NR1H2: variants seen among roughly 807,000 people sequenced by gnomAD.
NR1H2 encodes the protein nuclear receptor subfamily 1 group H member 2.
In NR1H2, 33 loss-of-function variants were observed where a neutral mutation model predicts 51.2. The observed-to-expected ratio is 0.64, with a 90% CI of 0.49 to 0.86. NR1H2 has a LOEUF of 0.86. NR1H2 is among the 40% of genes least tolerant of loss of function. The probability of loss-of-function intolerance (pLI) is 0.00; values close to 1 mark genes in which losing one functional copy is unlikely to be tolerated. For missense variants in NR1H2, 592 were observed against 639.9 expected (o/e 0.93, Z 0.81); for synonymous variants, 310 against 264.3 (o/e 1.17, Z -1.68).
chr19:50,377,599 CCCCA>C lies in NR1H2; in HGVS notation c.-4_-1del. The C allele has an allele frequency of 6.2e-7, 1 of 1,613,534 alleles. No homozygotes were observed. The highest frequency in any genetic ancestry group is 8.5e-7 in the Non-Finnish European group (1 of 1,179,618). On this transcript the variant is annotated 5_prime_UTR_variant, in exon 3 of 10. Coordinates refer to ENST00000253727, the MANE Select transcript of NR1H2 (RefSeq NM_007121.7). ...CTGTATTCTACAGGCTGCTCCGTGA[CCCCA>C]CCATGTCCTCTCCTACCACGAGTTC...
In NR1H2 at chr19:50,379,832, C is replaced by T; in HGVS notation, c.980C>T (p.Thr327Ile). Residue 327 changes from threonine (T) to isoleucine (I), a missense_variant, in exon 8 of 10, where the codon ACC becomes ATC. Coordinates refer to ENST00000253727, the MANE Select transcript of NR1H2 (RefSeq NM_007121.7). Reference sequence around the variant, plus strand: ...TACAACCACGAGACAGAGTGTATCACCTTCTTGAAGGACTTCACCTACAGC... The same window carrying T: ...TACAACCACGAGACAGAGTGTATCATCTTCTTGAAGGACTTCACCTACAGC... ...RRYNHETECI[T>I]FLKDFTYSKD... 1 of 1,614,084 alleles carries T rather than the reference C, an allele frequency of 6.2e-7. No individual in the cohort carries two copies. Among genetic ancestry groups the T allele is most frequent in the Non-Finnish European group, 8.5e-7 (1 of 1,179,956 alleles).
chr19:50,380,742 A>G (rs2037752841), intron 8 of NR1H2, among the ~76,000 whole-genome samples: 1 of 152,182 alleles, frequency 6.6e-6, no homozygotes, highest in Non-Finnish European at 1.5e-5. Flanking sequence ...GAGGAACTAC[A>G]GGGAGGCCCA....
chr19:50,382,302 T>C lies in NR1H2; in HGVS notation c.1236+128T>C, dbSNP rs1466241889. On this transcript the variant is annotated intron_variant, in intron 9 of 9. Coordinates refer to ENST00000253727, the MANE Select transcript of NR1H2 (RefSeq NM_007121.7). ...AGTCTTTCCTCAGGCCCCACCCTGC[T>C]CGACTGGGAGCCAGGTCTAGTCCAA... The C allele has an allele frequency of 8.2e-6, 11 of 1,341,578 alleles. No homozygotes were observed. The East Asian group carries it at 2.8e-4, about 34-fold the overall frequency. 83.1% of individuals were successfully genotyped at this position (1,341,578 alleles called of 1,614,324 possible).
In NR1H2 at chr19:50,382,856, C is replaced by T. The variant is rs1472848700; in HGVS notation, c.*254C>T. ...GGCTGCCCTCCCTCCCCAGCTTACA[C>T]CTCAAGCCCAGCACGCAGTGCACCT... On this transcript the variant is annotated 3_prime_UTR_variant, in exon 10 of 10. Coordinates refer to ENST00000253727, the MANE Select transcript of NR1H2 (RefSeq NM_007121.7). 4.8e-6 allele frequency: 2 copies of T among 413,254 alleles called. No individual in the cohort carries two copies. The highest frequency in any genetic ancestry group is 4.8e-5 in the South Asian group (1 of 20,968). The allele number at this position is 413,254 out of a possible 1,614,324, so 25.6% of individuals were successfully genotyped here.
At chr19:50,381,067 C>T (rs1601143498) in intron 8 of NR1H2, among the ~76,000 whole-genome samples, 3 of 152,220 alleles carry the variant, frequency 2.0e-5, no homozygotes, top group Admixed American at 6.5e-5. Flanking sequence ...CCTCAGCTCT[C>T]ACCCTCTCCC....
At chr19:50,380,021 A>C (rs1601142383) in intron 8 of NR1H2, 142 bp downstream of exon 8, 1 of 667,242 alleles carries the variant, frequency 1.5e-6, no homozygotes, top group African/African-American at 1.8e-5. Flanking sequence ...GTGAGGTAAG[A>C]GTGCATGTGC....
chr19:50,379,310 C>A, intron 7 of NR1H2, 129 bp downstream of exon 7: 1 of 1,037,078 alleles, frequency 9.6e-7, no homozygotes, highest in Non-Finnish European at 1.4e-6. Context: ...CTTCTATGAG[C>A]CAAGGAGAGA....
intron 8 of NR1H2, among the ~76,000 whole-genome samples, chr19:50,380,620 C>T (rs768366470): frequency 4.6e-5 from 7 of 152,172 alleles, no homozygotes; most frequent in Non-Finnish European, 1.0e-4. Context: ...CCGAGACGGT[C>T]CCAGTAACCC....
At chr19:50,382,198 G>C (rs772792987) in intron 9 of NR1H2, 24 bp downstream of exon 9, 2 of 1,504,348 alleles carry the variant, frequency 1.3e-6, no homozygotes, top group South Asian at 2.5e-5. Flanking sequence ...GAGCCTCTGC[G>C]CAGAGCCAAC....
intron 8 of NR1H2, 128 bp downstream of exon 8, chr19:50,380,007 G>T (rs2037740313): frequency 2.9e-6 from 2 of 695,612 alleles, no homozygotes; most frequent in South Asian, 3.2e-5. Context: ...GAGCCAAGGT[G>T]AGAGTGAGGT....
Position 50,378,137 on chromosome 19 carries a change from T to C in NR1H2, c.182-12T>C. On this transcript the variant is annotated splice_polypyrimidine_tract_variant and intron_variant, in intron 4 of 9. Transcript: ENST00000253727. ...TTGTGGCTTTCTCATGGCCTCTACC[T>C]ACCCACCCCAGTCATCCCAGATCCC... 6.2e-7 allele frequency: 1 copy of C among 1,602,736 alleles called. No homozygotes were observed. The highest frequency in any genetic ancestry group is 8.5e-7 in the Non-Finnish European group (1 of 1,172,906).
rs200672689 is a variant in NR1H2 at position 50,378,711 on chromosome 19, C to A, written c.662C>A (p.Ala221Glu). The A allele has an allele frequency of 6.2e-7, 1 of 1,613,764 alleles. No individual in the cohort carries two copies. Among genetic ancestry groups the A allele is most frequent in the Non-Finnish European group, 8.5e-7 (1 of 1,180,024 alleles). The change falls in exon 6 of 10, where the codon GCG becomes GAG. Residue 221 changes from alanine (A) to glutamate (E), a missense_variant. Ala to Glu is a moderately radical substitution (Grantham distance 107). Around this residue, in one of 3 missense-constraint regions of NR1H2, gnomAD observed 316 missense variants for 313.4 expected, o/e 1.01. Coordinates refer to ENST00000253727, the MANE Select transcript of NR1H2 (RefSeq NM_007121.7). ...SGEGEGVQLT[A>E]AQELMIQQLV... ...GAAGGCGAGGGTGTCCAGCTAACAG[C>A]GGCTCAAGAACTAATGATCCAGCAG...
intron 8 of NR1H2, among the ~76,000 whole-genome samples, chr19:50,381,281 C>G (rs531077329): frequency 3.3e-5 from 5 of 152,222 alleles, no homozygotes; most frequent in African/African-American, 1.2e-4. Flanking sequence ...CGTTGGTCAC[C>G]CTCACAATCC....
In NR1H2 at chr19:50,377,639, C is replaced by T. The variant is rs994944782; in HGVS notation, c.34C>T (p.Pro12Ser). The T allele has an allele frequency of 8.7e-6, 14 of 1,613,672 alleles. No homozygotes were observed. The African/African-American group carries it at 1.7e-4, about 20-fold the overall frequency. ...SSPTTSSLDTPLPGNGPPQPG... is the reference protein window; with the variant it reads ...SSPTTSSLDTSLPGNGPPQPG... The stretch of plus-strand genomic sequence containing the variant: ...TCCTACCACGAGTTCCCTGGATACC[C>T]CCCTGCCTGGTGAGTGACTCTCTTC... Residue 12 changes from proline (P) to serine (S), a missense_variant, in exon 3 of 10, where the codon CCC (proline) becomes TCC (serine). Pro to Ser is a moderately conservative substitution (Grantham distance 74, BLOSUM62 -1). Around this residue, in one of 3 missense-constraint regions of NR1H2, gnomAD observed 316 missense variants for 313.4 expected, o/e 1.01. Transcript: ENST00000253727.
Position 50,382,046 on chromosome 19 carries a change from G to A in NR1H2, c.1108G>A (p.Ala370Thr), listed in dbSNP as rs1424729540. 1.1e-5 allele frequency: 17 copies of A among 1,561,674 alleles called. No homozygotes were observed. The highest frequency in any genetic ancestry group is 2.7e-5 in the African/African-American group (2 of 73,592). Residue 370 changes from alanine (A) to threonine (T), a missense_variant, in exon 9 of 10, where the codon GCC becomes ACC. This residue lies in a region of NR1H2 where 174 missense variants were observed against 174.0 expected (regional missense o/e 1.00). Transcript: ENST00000253727. ...GCTGGGCCTGGACGACGCTGAGTAC[G>A]CCCTGCTCATCGCCATCAACATCTT... ...RRLGLDDAEY[A>T]LLIAINIFSA...
chr19:50,382,730 T>G lies in NR1H2; in HGVS notation c.*128T>G, dbSNP rs752098802. ...CTGTAGACCTATCGGCTCTCATCCC[T>G]TGGGATAAGCCCCAGTCCAGGTCCA... On this transcript the variant is annotated 3_prime_UTR_variant, in exon 10 of 10. Transcript: ENST00000253727. 37 of 1,008,238 alleles carry G rather than the reference T, an allele frequency of 3.7e-5. No homozygotes were observed. The highest frequency in any genetic ancestry group is 3.4e-5 in the Non-Finnish European group (24 of 708,136). 62.5% of individuals were successfully genotyped at this position (1,008,238 alleles called of 1,614,324 possible). A position where few individuals can be genotyped will look rare whatever the true frequency, so the allele number is the denominator to read the frequency against.
In NR1H2 at chr19:50,382,845, C is replaced by T; in HGVS notation, c.*243C>T. On this transcript the variant is annotated 3_prime_UTR_variant, in exon 10 of 10. Coordinates refer to ENST00000253727, the MANE Select transcript of NR1H2 (RefSeq NM_007121.7). ...TGACCCTTCCCGGCTGCCCTCCCTC[C>T]CCAGCTTACACCTCAAGCCCAGCAC... 6.9e-6 allele frequency: 3 copies of T among 432,294 alleles called. No individual in the cohort carries two copies. The highest frequency in any genetic ancestry group is 1.2e-5 in the Non-Finnish European group (3 of 242,622). 26.8% of individuals were successfully genotyped at this position (432,294 alleles called of 1,614,324 possible).
chr19:50,380,289 C>G (rs2037744766), intron 8 of NR1H2, among the ~76,000 whole-genome samples: 1 of 152,182 alleles, frequency 6.6e-6, no homozygotes, highest in African/African-American at 2.4e-5. Context: ...CCCGCCCCCG[C>G]CAAAACGTGG....
chr19:50,377,411 G>T (rs935131329), intron 2 of NR1H2, 176 bp from the exon 3 acceptor site: 9 of 546,010 alleles, frequency 1.6e-5, no homozygotes, highest in East Asian at 6.5e-5. Flanking sequence ...ACAGAAGGGG[G>T]CAGGTCTTGT....
Sources: allele counts gnomAD v4.1 joint callset (sites outside exome capture counted in the v4.1 genomes callset), GRCh38; gene constraint gnomAD v4.1.1; regional missense constraint gnomAD v4.1.1; transcripts MANE v1.5; gene names NCBI Gene and HGNC (gene_info 2026-07-23, HGNC 2026-07-21).